Variants in SVEP1 observed in about 807,000 individuals in gnomAD.
SVEP1 encodes the protein sushi, von Willebrand factor type A, EGF and pentraxin domain-containing protein 1.
Under a neutral mutation model 367.3 loss-of-function variants are expected in SVEP1, and 164 were observed. The ratio of observed to expected loss-of-function variants is 0.45; its 90% CI spans 0.39 to 0.51. SVEP1 has a LOEUF of 0.51. Among genes scored for constraint, SVEP1 ranks in the 20% least tolerant of loss-of-function variants. The pLI is 0.00. For synonymous variants in SVEP1, 1,666 were observed against 1,611.6 expected (o/e 1.03, Z -0.81); for missense variants, 4,117 against 4,425.3 (o/e 0.93, Z 1.98).
chr9:110,383,315 G>A (rs1389205774), intron 43 of SVEP1, among the ~76,000 whole-genome samples: 1 of 152,076 alleles, frequency 6.6e-6, no homozygotes, highest in African/African-American at 2.4e-5. Flanking sequence ...TAACAGTCAG[G>A]CCCCTCTTTT....
chr9:110,470,331 A>T (rs532650885), intron 16 of SVEP1, among the ~76,000 whole-genome samples: 1 of 152,230 alleles, frequency 6.6e-6, no homozygotes, highest in Non-Finnish European at 1.5e-5. Flanking sequence ...ACACTTTAAA[A>T]TGGTTAATTT....
rs770237687 is a variant in SVEP1 at position 110,387,325 on chromosome 9, T to G, written c.10020A>C (p.Thr3340=). Residue 3340 remains threonine (T), a synonymous_variant, in exon 42 of 48, where the codon ACA becomes ACC. Coordinates refer to ENST00000374469, the MANE Select transcript of SVEP1 (RefSeq NM_153366.4). ...SLEGPSEAHC[T]ENGTWSHPVP... is the part of the protein sequence containing the mutation. ...CTGGGTGGCTCCAGGTTCCATTTTCTGTGCAGTGTGCCTCAGATGGCCCTT... is the reference window on the plus strand; with the variant it reads ...CTGGGTGGCTCCAGGTTCCATTTTCGGTGCAGTGTGCCTCAGATGGCCCTT... 6 of 1,609,360 alleles carry G rather than the reference T, an allele frequency of 3.7e-6. No homozygotes were observed. The highest frequency in any genetic ancestry group is 1.1e-5 in the South Asian group (1 of 90,004).
In SVEP1 at chr9:110,407,892, C is replaced by A. The variant is rs746376974; in HGVS notation, c.7708G>T (p.Ala2570Ser). The change falls in exon 38 of 48, where the codon GCA (alanine) becomes TCA (serine). Residue 2570 changes from alanine to serine, a missense_variant. This residue lies in a region of SVEP1 where 1,765 missense variants were observed against 1,781.1 expected (regional missense o/e 0.99). Transcript: ENST00000374469. Reference sequence around the variant, plus strand: ...ATTATGGCACCATAGCTGTAATCTGCACCTTCTACAAAACCATTTTCAATG... The same window carrying A: ...ATTATGGCACCATAGCTGTAATCTGAACCTTCTACAAAACCATTTTCAATG... Reference protein sequence around the residue: ...QPIENGFVEGADYSYGAIIIY... With the variant: ...QPIENGFVEGSDYSYGAIIIY... 7 of 1,613,884 alleles carry A rather than the reference C, an allele frequency of 4.3e-6. No homozygotes were observed. In the South Asian group the frequency reaches 5.5e-5, roughly 13 times the overall value.
chr9:110,496,599 C>A (rs1218977169), intron 8 of SVEP1, among the ~76,000 whole-genome samples: 1 of 152,194 alleles, frequency 6.6e-6, no homozygotes, highest in African/African-American at 2.4e-5. Flanking sequence ...CCTCACCTTG[C>A]AGATGGCCTA....
intron 1 of SVEP1, among the ~76,000 whole-genome samples, chr9:110,559,498 A>G (rs1006691233): frequency 2.6e-5 from 4 of 152,174 alleles, no homozygotes; most frequent in African/African-American, 9.6e-5. Flanking sequence ...CCAAAATAGC[A>G]TAAGTTTAAA....
chr9:110,425,233 T>C (rs1043537646), intron 36 of SVEP1, among the ~76,000 whole-genome samples: 2 of 152,200 alleles, frequency 1.3e-5, no homozygotes, highest in Non-Finnish European at 2.9e-5. Flanking sequence ...GTGTACTTCA[T>C]ATTAATTTGA....
At chr9:110,477,360 T>G (rs1388271708) in intron 13 of SVEP1, among the ~76,000 whole-genome samples, 3 of 152,146 alleles carry the variant, frequency 2.0e-5, no homozygotes, top group Non-Finnish European at 4.4e-5. Context: ...CCTCAATTTG[T>G]TTGCCTGGAC....
intron 22 of SVEP1, among the ~76,000 whole-genome samples, chr9:110,454,730 T>C (rs566126556): frequency 6.6e-6 from 1 of 152,318 alleles, no homozygotes; most frequent in South Asian, 2.1e-4. Context: ...ATACTGCATG[T>C]TCTCACTTAA....
intron 40 of SVEP1, among the ~76,000 whole-genome samples, chr9:110,392,576 C>T (rs955643925): frequency 3.3e-5 from 5 of 152,056 alleles, no homozygotes; most frequent in Non-Finnish European, 7.4e-5. Flanking sequence ...GTGAATTCTG[C>T]TATTTAAATT....
chr9:110,555,021 A>C (rs1249680017), intron 1 of SVEP1, among the ~76,000 whole-genome samples: 2 of 152,114 alleles, frequency 1.3e-5, no homozygotes, highest in African/African-American at 4.8e-5. Flanking sequence ...TTGTGTTTAC[A>C]CCATCCTTGC....
At chr9:110,458,237 T>C in intron 20 of SVEP1, 3 of 599,522 alleles carry the variant, frequency 5.0e-6, no homozygotes, top group Middle Eastern at 2.6e-4. Flanking sequence ...CTCATTCTTA[T>C]TGCCAGGCAT....
chr9:110,386,399 A>G (rs923120587), intron 42 of SVEP1, among the ~76,000 whole-genome samples: 2 of 152,224 alleles, frequency 1.3e-5, no homozygotes, highest in African/African-American at 4.8e-5. Context: ...CATTGTGAAA[A>G]CAAAAGGCAT....
intron 26 of SVEP1, among the ~76,000 whole-genome samples, chr9:110,445,180 G>C (rs1828571535): frequency 6.6e-6 from 1 of 152,224 alleles, no homozygotes; most frequent in Non-Finnish European, 1.5e-5. Context: ...CGCTGGGTCA[G>C]TGGACAGCTC....
At position 110,375,374 on chromosome 9, in the gene SVEP1, G is replaced by T; in HGVS notation, c.10594C>A (p.His3532Asn). The change falls in exon 46 of 48, where the codon CAT becomes AAT. Residue 3532 changes from histidine (H) to asparagine (N), a missense_variant. His to Asn is a moderately conservative substitution (Grantham distance 68). This residue lies in a region of SVEP1 where 1,765 missense variants were observed against 1,781.1 expected (regional missense o/e 0.99). Transcript: ENST00000374469. ...CPPGWTGSRC[H>N]TAVCQSPCLN... ...AACCATGAAAGAGGCCTACCTGTAT[G>T]ACAGCGAGACCCCGTCCAGCCAGGC... The T allele has an allele frequency of 6.5e-7, 1 of 1,542,396 alleles. No individual in the cohort carries two copies. Among genetic ancestry groups the T allele is most frequent in the South Asian group, 1.2e-5 (1 of 83,752 alleles).
intron 18 of SVEP1, among the ~76,000 whole-genome samples, chr9:110,462,235 T>C (rs561363740): frequency 2.6e-4 from 40 of 152,044 alleles, no homozygotes; most frequent in Non-Finnish European, 5.3e-4. Flanking sequence ...AAAATTGTAC[T>C]AAGATGTAAT....
chr9:110,455,516 C>T, intron 22 of SVEP1, 74 bp downstream of exon 22: 3 of 1,121,016 alleles, frequency 2.7e-6, no homozygotes, highest in South Asian at 1.7e-5. Flanking sequence ...TGACACATTC[C>T]AAATTTATCT....
chr9:110,542,255 C>T (rs1830160820), intron 3 of SVEP1, among the ~76,000 whole-genome samples: 1 of 152,004 alleles, frequency 6.6e-6, no homozygotes, highest in African/African-American at 2.4e-5. Flanking sequence ...TGGGGTTCTT[C>T]CCGGGGTTCT....
At chr9:110,390,152 TACATAC>T (rs1162267923) in intron 40 of SVEP1, among the ~76,000 whole-genome samples, 24 of 99,182 alleles carry the variant, frequency 2.4e-4, no homozygotes, top group East Asian at 3.1e-4. Flanking sequence ...TACAAGTATA[TACATAC>T]ATACTTATAT....
chr9:110,496,364 G>A (rs1177234445), intron 8 of SVEP1, among the ~76,000 whole-genome samples: 1 of 152,208 alleles, frequency 6.6e-6, no homozygotes, highest in African/African-American at 2.4e-5. Context: ...AGCAGGCAGA[G>A]GAAGGTGAGA....
Sources: allele counts gnomAD v4.1 joint callset (sites outside exome capture counted in the v4.1 genomes callset), GRCh38; gene constraint gnomAD v4.1.1; regional missense constraint gnomAD v4.1.1; transcripts MANE v1.5; gene names NCBI Gene and HGNC (gene_info 2026-07-23, HGNC 2026-07-21).